KPRP: variants seen among roughly 807,000 people sequenced by gnomAD.
KPRP encodes the protein keratinocyte proline rich protein, also known as keratinocyte proline-rich protein.
For synonymous variants in KPRP, 282 were observed against 276.9 expected (o/e 1.02, Z -0.18); for missense variants, 820 against 746.4 (o/e 1.10, Z -1.15).
chr1:152,759,468 GA>G (rs1434195535), upstream of KPRP: 5 of 1,447,036 alleles, frequency 3.5e-6, no homozygotes, highest in East Asian at 9.8e-5. Flanking sequence ...GGTGGAGGAA[GA>G]AAAGCTAGGG....
At chr1:152,761,028 C>G (rs1436484537) in exon 1 of KPRP, 2 of 1,613,246 alleles carry the variant, frequency 1.2e-6, no homozygotes, top group Non-Finnish European at 8.5e-7. Flanking sequence ...AGCCAATTCC[C>G]CTGCCGGCGC....
upstream of KPRP, among the ~76,000 whole-genome samples, chr1:152,758,667 G>A (rs774924798): frequency 7.2e-5 from 11 of 152,200 alleles, no homozygotes; most frequent in South Asian, 4.1e-4. Flanking sequence ...CCCCAGCTGC[G>A]TAGATCTTTA....
chr1:152,758,600 C>T (rs1038717404), upstream of KPRP, among the ~76,000 whole-genome samples: 5 of 152,120 alleles, frequency 3.3e-5, no homozygotes, highest in African/African-American at 1.2e-4. Context: ...TGTGCTCTCC[C>T]CAGCTAAGCA....
At chr1:152,759,488 G>A (rs1651035729), upstream of KPRP, 1 of 1,491,098 alleles carries the variant, frequency 6.7e-7, no homozygotes, top group African/African-American at 1.4e-5. Context: ...GGAAGATGCA[G>A]GGTGTCTTCC....
chr1:152,759,514 C>T (rs1192189479), upstream of KPRP: 2 of 1,536,110 alleles, frequency 1.3e-6, no homozygotes, highest in Non-Finnish European at 1.8e-6. Context: ...GTCCTGGCAC[C>T]CCCTCTCCAA....
At chr1:152,761,711 G>A (rs11581045) in exon 1 of KPRP, 64,045 of 210,484 alleles carry the variant, frequency 0.3, 11,084 homozygotes, top group Non-Finnish European at 0.39. Context: ...ATCTTTCAGT[G>A]CCTCTCCCTT....
exon 1 of KPRP, chr1:152,761,854 C>T (rs1391112496): frequency 1.2e-5 from 2 of 169,730 alleles, no homozygotes; most frequent in Non-Finnish European, 2.9e-5. Flanking sequence ...GGCATGTCTT[C>T]CTTATCTGCC....
At chr1:152,758,396 A>C (rs1651006934), upstream of KPRP, among the ~76,000 whole-genome samples, 1 of 152,240 alleles carries the variant, frequency 6.6e-6, no homozygotes, top group South Asian at 2.1e-4. Context: ...TACCTTCCCC[A>C]GGGAAATAGA....
rs1296961663 is a variant in KPRP at position 152,761,197 on chromosome 1, C to T, written c.1609C>T (p.Gln537Ter). The T allele has an allele frequency of 1.2e-6, 2 of 1,614,176 alleles. No individual in the cohort carries two copies. Among genetic ancestry groups the T allele is most frequent in the Non-Finnish European group, 8.5e-7 (1 of 1,180,032 alleles). The change falls in exon 1 of 1, where the codon CAG becomes TAG. Residue 537 changes from glutamine to a stop codon, truncating the protein, a stop_gained. Coordinates refer to ENST00000606109, the Ensembl canonical transcript of KPRP. LOFTEE classifies it low-confidence loss of function (END_TRUNC). ...CTACTGTGGCCCATCCAGTTACAAC[C>T]AGGGGCAAGAGAGTGGTGCTGGCTG...
rs746888694 is a variant in KPRP, at chr1:152,760,520, G to A, written c.932G>A (p.Arg311His). The change falls in exon 1 of 1, where the codon CGC (arginine) becomes CAC (histidine). Residue 311 changes from arginine (R) to histidine (H), a missense_variant. Coordinates refer to ENST00000606109, the Ensembl canonical transcript of KPRP. ...CCCATATATAACAGTCGCTGTCCTC[G>A]CCGCCCCATTTCAAGCTGCTCTCAG... 4.3e-6 allele frequency: 7 copies of A among 1,612,084 alleles called. No homozygotes were observed. The African/African-American group carries it at 8.0e-5, about 18-fold the overall frequency.
At chr1:152,759,539 A>G (rs761585925), upstream of KPRP, 2 of 1,580,006 alleles carry the variant, frequency 1.3e-6, no homozygotes, top group South Asian at 2.4e-5. Flanking sequence ...CACCCTCCTG[A>G]CCCTGGTCTC....
At chr1:152,759,045 C>T (rs547943928), upstream of KPRP, among the ~76,000 whole-genome samples, 3 of 152,332 alleles carry the variant, frequency 2.0e-5, no homozygotes, top group South Asian at 2.1e-4. Context: ...GTTTGAGCTG[C>T]CCGCTTTCCA....
chr1:152,760,633 C>T (rs981583565), exon 1 of KPRP: 2 of 1,610,180 alleles, frequency 1.2e-6, no homozygotes, highest in African/African-American at 2.7e-5. Flanking sequence ...TGAGATTCCT[C>T]CCATCAGACG....
At chr1:152,761,383 A>G (rs1048725874) in exon 1 of KPRP, 1 of 1,552,516 alleles carries the variant, frequency 6.4e-7, no homozygotes, top group Non-Finnish European at 8.7e-7. Flanking sequence ...TGTTCCTCCT[A>G]TTCCACAATT....
In KPRP at chr1:152,759,638, GC is replaced by G. The variant is rs763245888; in HGVS notation, c.51del (p.Cys17TrpfsTer56). 1 of 1,614,150 alleles carries G rather than the reference GC, an allele frequency of 6.2e-7. No homozygotes were observed. The highest frequency in any genetic ancestry group is 1.1e-5 in the South Asian group (1 of 91,084). Reference sequence around the variant, plus strand: ...TGCCGCCTGCCGCTCCAACAGTGCTGCGTCAAGGGTCCCTCCTTCTGCTCCT... The same window carrying G: ...TGCCGCCTGCCGCTCCAACAGTGCTGGTCAAGGGTCCCTCCTTCTGCTCCT... On this transcript the variant is annotated frameshift_variant, in exon 1 of 1. Transcript: ENST00000606109. LOFTEE classifies it low-confidence loss of function (END_TRUNC).
In KPRP at chr1:152,761,408, G is replaced by T. The variant is rs138773588; in HGVS notation, c.*80G>T. 4.0e-6 allele frequency: 6 copies of T among 1,507,258 alleles called. No homozygotes were observed. In the African/African-American group the frequency reaches 7.0e-5, roughly 18 times the overall value. The allele number at this position is 1,507,258 out of a possible 1,614,324, so 93.4% of individuals were successfully genotyped here. A position where few individuals can be genotyped will look rare whatever the true frequency, so the allele number is the denominator to read the frequency against. ...ATTCCACAATTTCCAGTACGCTCTTGTTTGAATCTCTCCAAAGATATTCAG... is the reference window on the plus strand; with the variant it reads ...ATTCCACAATTTCCAGTACGCTCTTTTTTGAATCTCTCCAAAGATATTCAG... On this transcript the variant is annotated 3_prime_UTR_variant, in exon 1 of 1. Transcript: ENST00000606109.
chr1:152,760,205 C>T, exon 1 of KPRP: 3 of 1,614,086 alleles, frequency 1.9e-6, no homozygotes, highest in Non-Finnish European at 2.5e-6. Context: ...AACTACACCC[C>T]CCAGTTCCAG....
chr1:152,759,293 G>T (rs146622499), upstream of KPRP, among the ~76,000 whole-genome samples: 2 of 152,332 alleles, frequency 1.3e-5, no homozygotes, highest in East Asian at 3.9e-4. Context: ...GACGAAAGGA[G>T]AATCCTTTTG....
At chr1:152,760,630 C>T (rs867143730) in exon 1 of KPRP, 3 of 1,610,028 alleles carry the variant, frequency 1.9e-6, no homozygotes, top group Non-Finnish European at 2.5e-6. Context: ...TGTTGAGATT[C>T]CTCCCATCAG....
Sources: allele counts gnomAD v4.1 joint callset (sites outside exome capture counted in the v4.1 genomes callset), GRCh38; gene constraint gnomAD v4.1.1; transcripts MANE v1.5; gene names NCBI Gene and HGNC (gene_info 2026-07-23, HGNC 2026-07-21).